LRRC37A2: variants seen among roughly 807,000 people sequenced by gnomAD.
LRRC37A2 encodes the protein leucine-rich repeat-containing protein 37A2.
Under a neutral mutation model 68.8 loss-of-function variants are expected in LRRC37A2, and 9 were observed. That is an observed-to-expected ratio of 0.13 (90% CI 0.08 to 0.23). The LOEUF (loss-of-function observed/expected upper bound fraction) is 0.23, where lower values mean the gene tolerates loss of function less well. LRRC37A2 is among the 10% of genes least tolerant of loss of function. The pLI is 1.00. For synonymous variants in LRRC37A2, 63 were observed against 367.6 expected (o/e 0.17, Z 9.48); for missense variants, 168 against 950.4 (o/e 0.18, Z 10.82).
the LRRC37A2 span, among the ~76,000 whole-genome samples, chr17:46,568,944 T>C: frequency 2.3e-4 from 8 of 35,520 alleles, no homozygotes; most frequent in African/African-American, 3.4e-4. Flanking sequence ...TTTTTTCTCT[T>C]TTTTTTTTTT....
chr17:46,873,600 T>C, the LRRC37A2 span, among the ~76,000 whole-genome samples: 1 of 152,206 alleles, frequency 6.6e-6, no homozygotes, highest in Non-Finnish European at 1.5e-5. Context: ...GGCTTGTGCC[T>C]CTAATCCTAG....
the LRRC37A2 span, among the ~76,000 whole-genome samples, chr17:46,490,509 G>A: frequency 6.6e-6 from 1 of 151,042 alleles, no homozygotes; most frequent in East Asian, 1.9e-4. Flanking sequence ...GATTGCCTGA[G>A]CTCGAGAGTT....
At chr17:46,856,408 TTCCA>T in the LRRC37A2 span, among the ~76,000 whole-genome samples, 1 of 152,178 alleles carries the variant, frequency 6.6e-6, no homozygotes, top group Non-Finnish European at 1.5e-5. Flanking sequence ...ATTACTATAA[TTCCA>T]TTGGAGAAAC....
the LRRC37A2 span, among the ~76,000 whole-genome samples, chr17:46,926,140 C>T: frequency 0.03 from 4,517 of 152,166 alleles, 215 homozygotes; most frequent in African/African-American, 0.1. Context: ...TCCTGAACAG[C>T]GGAGCTTAAG....
At chr17:46,923,192 C>T in the LRRC37A2 span, 420 of 1,545,088 alleles carry the variant, frequency 2.7e-4, 4 homozygotes, top group South Asian at 1.8e-3. Flanking sequence ...GGGCCGGCGA[C>T]ATGGATCCCC....
chr17:46,768,885 C>T, the LRRC37A2 span: 1 of 1,550,790 alleles, frequency 6.4e-7, no homozygotes, highest in Non-Finnish European at 8.7e-7. The surrounding 1 kb of genome is among the most constrained non-coding windows in gnomAD (Gnocchi z 5.0). Flanking sequence ...CTGCCCACCC[C>T]CTTCCCTCCA....
At chr17:46,894,086 C>T in the LRRC37A2 span, among the ~76,000 whole-genome samples, 1 of 152,204 alleles carries the variant, frequency 6.6e-6, no homozygotes, top group Non-Finnish European at 1.5e-5. Flanking sequence ...TAGGTGCCGC[C>T]CTGATTGCAG....
chr17:46,710,683 A>G, the LRRC37A2 span, among the ~76,000 whole-genome samples: 1 of 152,206 alleles, frequency 6.6e-6, no homozygotes, highest in Non-Finnish European at 1.5e-5. Context: ...ACATTGGAAC[A>G]TATTCTTTCT....
the LRRC37A2 span, among the ~76,000 whole-genome samples, chr17:46,458,531 CTTTTTTTTTT>C: frequency 2.5e-5 from 1 of 39,936 alleles, no homozygotes; most frequent in African/African-American, 9.7e-5. Flanking sequence ...TCTTCTTCTT[CTTTTTTTTTT>C]TTTTTTTTTT....
chr17:46,873,088 ACAC>A, the LRRC37A2 span, among the ~76,000 whole-genome samples: 1 of 2,534 alleles, frequency 3.9e-4, no homozygotes, highest in Non-Finnish European at 9.6e-4. Context: ...CTGCCTCTTC[ACAC>A]ACACACACAC....
At chr17:46,675,637 AACACACAC>A in the LRRC37A2 span, among the ~76,000 whole-genome samples, 1 of 130,094 alleles carries the variant, frequency 7.7e-6, no homozygotes, top group Non-Finnish European at 1.6e-5. Flanking sequence ...TCATAAGGAA[AACACACAC>A]ACACACACAC....
the LRRC37A2 span, among the ~76,000 whole-genome samples, chr17:46,679,061 G>A: frequency 6.6e-6 from 1 of 151,942 alleles, no homozygotes; most frequent in Non-Finnish European, 1.5e-5. Flanking sequence ...CATTTATAGA[G>A]AGCTTACCTA....
the LRRC37A2 span, chr17:46,931,661 C>CCCCCAT: frequency 3.3e-6 from 1 of 304,288 alleles, no homozygotes; most frequent in Non-Finnish European, 6.0e-6. Context: ...GCCACCTCCA[C>CCCCCAT]CCCCAGCGCC....
At chr17:46,830,501 C>T in the LRRC37A2 span, 3 of 394,432 alleles carry the variant, frequency 7.6e-6, no homozygotes, top group East Asian at 3.6e-5. Flanking sequence ...AGATCCTCCC[C>T]TCTCAAAGGG....
At chr17:46,823,183 A>T in the LRRC37A2 span, among the ~76,000 whole-genome samples, 33 of 126,886 alleles carry the variant, frequency 2.6e-4, no homozygotes, top group Non-Finnish European at 4.2e-4. Context: ...TTTATATATA[A>T]TATATTATAT....
At chr17:46,823,004 ATGTATTTATAATAAATATG>A in the LRRC37A2 span, among the ~76,000 whole-genome samples, 4 of 40,950 alleles carry the variant, frequency 9.8e-5, no homozygotes, top group African/African-American at 3.0e-4. Flanking sequence ...TTATATATAT[ATGTATTTATAATAAATATG>A]TATTTATAAT....
At chr17:46,753,989 G>A in the LRRC37A2 span, among the ~76,000 whole-genome samples, 3 of 152,048 alleles carry the variant, frequency 2.0e-5, no homozygotes, top group Non-Finnish European at 4.4e-5. Context: ...TGTCACCTGA[G>A]GGAATAAAGT....
At chr17:46,787,599 C>A in the LRRC37A2 span, among the ~76,000 whole-genome samples, 21 of 152,184 alleles carry the variant, frequency 1.4e-4, no homozygotes, top group Non-Finnish European at 2.6e-4. Flanking sequence ...GTGCCCCAGA[C>A]CTGATCATCT....
At chr17:46,958,216 A>G in the LRRC37A2 span, among the ~76,000 whole-genome samples, 1 of 152,330 alleles carries the variant, frequency 6.6e-6, no homozygotes, top group African/African-American at 2.4e-5. Context: ...ACCAACTTGG[A>G]GGGCAGGGAA....
Sources: allele counts gnomAD v4.1 joint callset (sites outside exome capture counted in the v4.1 genomes callset), GRCh38; gene constraint gnomAD v4.1.1; non-coding constraint Gnocchi (gnomAD v3.1); transcripts MANE v1.5; gene names NCBI Gene and HGNC (gene_info 2026-07-23, HGNC 2026-07-21).